The following ATP9B variants were observed in gnomAD, a reference collection of about 807,000 sequenced individuals.
ATP9B encodes ATPase phospholipid transporting 9B, also known as probable phospholipid-transporting ATPase IIB.
A neutral mutation model predicts 146.1 loss-of-function variants in ATP9B; 110 were observed. The observed-to-expected ratio is 0.75, with a 90% confidence interval of 0.65 to 0.88. ATP9B has a LOEUF of 0.88. ATP9B is among the 40% of genes least tolerant of loss of function. ATP9B has a pLI of 0.00. For missense variants in ATP9B, 1,499 were observed against 1,496.4 expected, an observed-to-expected ratio of 1.00 and a Z score of -0.03; for synonymous variants, 604 against 569.7, an observed-to-expected ratio of 1.06 and a Z score of -0.86.
intron 12 of ATP9B, among the ~76,000 whole-genome samples, chr18:79,272,354 C>A (rs1268362188): frequency 6.6e-6 from 1 of 152,174 alleles, no homozygotes; most frequent in Non-Finnish European, 1.5e-5. Flanking sequence ...TCTGTGCATG[C>A]CTGATGCACC....
chr18:79,172,562 A>AG (rs1346201417), intron 7 of ATP9B, among the ~76,000 whole-genome samples: 1 of 120,116 alleles, frequency 8.3e-6, no homozygotes, highest in Non-Finnish European at 1.7e-5. Flanking sequence ...CTGTGATTAC[A>AG]GGCGTAGCCA....
rs144251375 is a variant in ATP9B, at chr18:79,314,960, C to T, written c.1773+7726C>T. ...GGGTGGAAGGAACTTTGAAGACCGC[C>T]GGCTTCTTTTGGTCCAGAAAGAGTG... is the stretch of plus-strand genomic sequence containing the variant. On this transcript the variant is annotated intron_variant, in intron 15 of 29. Transcript: ENST00000426216. Among the ~76,000 whole-genome samples, 365 of 152,316 alleles carry T rather than the reference C, an allele frequency of 2.4e-3. 1 individual carries two copies. The highest frequency in any genetic ancestry group is 6.4e-3 in the South Asian group (31 of 4,828).
chr18:79,193,203 T>TC lies in ATP9B; in HGVS notation c.894_895insC (p.Tyr299LeufsTer24). 6.2e-7 allele frequency: 1 copy of TC among 1,610,140 alleles called. No individual in the cohort carries two copies. Among genetic ancestry groups the TC allele is most frequent in the Non-Finnish European group, 8.5e-7 (1 of 1,176,580 alleles). ...TCCAGGACCTTTTTTCTATCAGTGCTTATGTTTATGCTCAGAAACCACAAA... is the reference window on the plus strand; with the variant it reads ...TCCAGGACCTTTTTTCTATCAGTGCTCTATGTTTATGCTCAGAAACCACAAA... On this transcript the variant is annotated frameshift_variant, in exon 9 of 30. Coordinates refer to ENST00000426216, the MANE Select transcript of ATP9B (RefSeq NM_198531.5). LOFTEE classifies it high-confidence loss of function.
At chr18:79,355,372 G>A (rs12454592) in intron 25 of ATP9B, among the ~76,000 whole-genome samples, 39,269 of 152,018 alleles carry the variant, frequency 0.26, 5,870 homozygotes, top group African/African-American at 0.42. Flanking sequence ...AACATACTGG[G>A]AGCAAATGGC....
chr18:79,207,780 G>A (rs2095547917), intron 10 of ATP9B, among the ~76,000 whole-genome samples: 1 of 152,116 alleles, frequency 6.6e-6, no homozygotes, highest in Non-Finnish European at 1.5e-5. Flanking sequence ...TGTGCATGGA[G>A]CACCTGTTCT....
At position 79,165,673 on chromosome 18, in the gene ATP9B, C is replaced by G. The variant is rs184039519; in HGVS notation, c.778+11118C>G. Among the ~76,000 whole-genome samples, 77 of 152,302 alleles carry G rather than the reference C, an allele frequency of 5.1e-4. No individual in the cohort carries two copies. The East Asian group carries it at 5.2e-3, about 10-fold the overall frequency. ...GAGCCATGGCCTGTTATCTTCCTCT[C>G]TACCCCAGCTCCATGTGCAGGAAGC... On this transcript the variant is annotated intron_variant, in intron 7 of 29. Transcript: ENST00000426216.
intron 1 of ATP9B, among the ~76,000 whole-genome samples, 186 bp from the exon 2 acceptor site, chr18:79,096,290 G>A (rs1166831266): frequency 6.6e-6 from 1 of 152,140 alleles, no homozygotes; most frequent in Non-Finnish European, 1.5e-5. Context: ...CACAGGTCTC[G>A]TTGGGCAGCT....
At chr18:79,212,694 A>G (rs989815073) in intron 10 of ATP9B, among the ~76,000 whole-genome samples, 1 of 152,154 alleles carries the variant, frequency 6.6e-6, no homozygotes, top group African/African-American at 2.4e-5. Flanking sequence ...TTTTTATAGT[A>G]TTGTATTATA....
chr18:79,103,817 A>G (rs1179545424), intron 2 of ATP9B, among the ~76,000 whole-genome samples: 1 of 152,094 alleles, frequency 6.6e-6, no homozygotes, highest in African/African-American at 2.4e-5. Context: ...TGGCTGAGGA[A>G]GTGTGGTGTG....
At chr18:79,174,260 C>T (rs1234402663) in intron 7 of ATP9B, 6 of 312,470 alleles carry the variant, frequency 1.9e-5, no homozygotes, top group South Asian at 7.8e-5. Context: ...TGGACTGCTG[C>T]GTCACCATCG....
intron 13 of ATP9B, among the ~76,000 whole-genome samples, chr18:79,296,374 A>G (rs575278123): frequency 2.0e-5 from 3 of 152,336 alleles, no homozygotes; most frequent in South Asian, 2.1e-4. Context: ...TCAAAAATCA[A>G]TTACTGTAAA....
At chr18:79,349,904 C>G (rs561558927) in intron 25 of ATP9B, among the ~76,000 whole-genome samples, 4 of 150,582 alleles carry the variant, frequency 2.7e-5, no homozygotes, top group Non-Finnish European at 2.9e-5. Flanking sequence ...ACCCCCCCCC[C>G]CACCATGCAC....
At chr18:79,155,924 G>A (rs1262647093) in intron 7 of ATP9B, among the ~76,000 whole-genome samples, 2 of 151,608 alleles carry the variant, frequency 1.3e-5, no homozygotes, top group East Asian at 1.9e-4. Context: ...CACCATGCCC[G>A]GCTAATTTTT....
chr18:79,318,058 TAA>T (rs2146817723), intron 15 of ATP9B, among the ~76,000 whole-genome samples: 1 of 152,224 alleles, frequency 6.6e-6, no homozygotes, highest in South Asian at 2.1e-4. Flanking sequence ...ATGAAACAAA[TAA>T]TGCATGAGTC....
chr18:79,347,886 G>A lies in ATP9B; in HGVS notation c.2799G>A (p.Gln933=), dbSNP rs2096899062. Residue 933 remains glutamine (Q), a synonymous_variant, in exon 24 of 30, where the codon CAG becomes CAA. Coordinates refer to ENST00000426216, the MANE Select transcript of ATP9B (RefSeq NM_198531.5). ...ACAAGAGGTCGGCGGCACTCGGCCAGTTCGTCATGCACAGGGGCCTTATCA... is the reference window on the plus strand; with the variant it reads ...ACAAGAGGTCGGCGGCACTCGGCCAATTCGTCATGCACAGGGGCCTTATCA... The part of the protein sequence containing the change: ...NSYKRSAALG[Q]FVMHRGLIIS... The A allele has an allele frequency of 2.5e-6, 4 of 1,613,652 alleles. No homozygotes were observed. The highest frequency in any genetic ancestry group is 3.4e-6 in the Non-Finnish European group (4 of 1,179,918).
chr18:79,317,264 A>G (rs535958195), intron 15 of ATP9B, among the ~76,000 whole-genome samples: 2 of 152,340 alleles, frequency 1.3e-5, no homozygotes, highest in African/African-American at 4.8e-5. Flanking sequence ...GATAAATTGA[A>G]TATCAGAGTA....
At chr18:79,092,206 A>G (rs2074378764) in intron 1 of ATP9B, among the ~76,000 whole-genome samples, 1 of 152,174 alleles carries the variant, frequency 6.6e-6, no homozygotes, top group African/African-American at 2.4e-5. Context: ...GTGTTTGGCA[A>G]TTTCATTGTT....
At chr18:79,349,607 A>G (rs2096911129) in intron 25 of ATP9B, among the ~76,000 whole-genome samples, 1 of 152,180 alleles carries the variant, frequency 6.6e-6, no homozygotes, top group East Asian at 1.9e-4. Flanking sequence ...GTTCCTCACA[A>G]TTTTAGCAAA....
intron 5 of ATP9B, among the ~76,000 whole-genome samples, chr18:79,137,092 T>C (rs2094456874): frequency 6.6e-6 from 1 of 152,234 alleles, no homozygotes; most frequent in African/African-American, 2.4e-5. Flanking sequence ...TATCATACTT[T>C]AATTTCATTT....
Sources: allele counts gnomAD v4.1 joint callset (sites outside exome capture counted in the v4.1 genomes callset), GRCh38; gene constraint gnomAD v4.1.1; transcripts MANE v1.5; gene names NCBI Gene and HGNC (gene_info 2026-07-23, HGNC 2026-07-21).